HYCC2: variants seen among roughly 807,000 people sequenced by gnomAD.
HYCC2 encodes the protein hyccin PI4KA lipid kinase complex subunit 2, also known as hyccin 2.
chr2:201,049,670 C>G, the HYCC2 span, among the ~76,000 whole-genome samples: 1 of 151,690 alleles, frequency 6.6e-6, no homozygotes, highest in African/African-American at 2.4e-5. Context: ...GAATTCTTTT[C>G]AAAGACTCCC....
the HYCC2 span, chr2:201,022,669 G>A: frequency 2.2e-6 from 1 of 456,080 alleles, no homozygotes; most frequent in East Asian, 3.6e-5. Flanking sequence ...ATATGGAAAG[G>A]CAGGGAATAG....
the HYCC2 span, among the ~76,000 whole-genome samples, chr2:201,010,027 C>T: frequency 6.6e-6 from 1 of 151,196 alleles, no homozygotes; most frequent in Admixed American, 6.6e-5. Context: ...TCGCTTGAAC[C>T]CGGGAGGTGG....
chr2:201,001,311 T>C, the HYCC2 span, among the ~76,000 whole-genome samples: 4 of 152,280 alleles, frequency 2.6e-5, no homozygotes, highest in African/African-American at 9.6e-5. Flanking sequence ...TCTGCAGAAC[T>C]GTGAGCAATA....
chr2:201,009,699 A>AT, the HYCC2 span, among the ~76,000 whole-genome samples: 3 of 151,998 alleles, frequency 2.0e-5, no homozygotes, highest in African/African-American at 7.2e-5. Context: ...ACCTCAAGTG[A>AT]TCCACCCACC....
At chr2:201,024,386 C>T in the HYCC2 span, among the ~76,000 whole-genome samples, 1 of 151,864 alleles carries the variant, frequency 6.6e-6, no homozygotes, top group African/African-American at 2.4e-5. Context: ...TTACTTGGTA[C>T]CCAAAGGTCA....
chr2:201,065,541 G>C, the HYCC2 span, among the ~76,000 whole-genome samples: 2 of 152,230 alleles, frequency 1.3e-5, no homozygotes, highest in African/African-American at 2.4e-5. Context: ...TTCTAATCTA[G>C]ATAGTTGCCT....
chr2:201,012,062 T>C, the HYCC2 span, among the ~76,000 whole-genome samples: 1 of 152,200 alleles, frequency 6.6e-6, no homozygotes, highest in African/African-American at 2.4e-5. Context: ...ACCTCATAGT[T>C]ATCCCTTTTT....
the HYCC2 span, among the ~76,000 whole-genome samples, chr2:201,025,870 G>T: frequency 6.6e-6 from 1 of 152,048 alleles, no homozygotes. Context: ...ACATGCCTGG[G>T]AAACACAGCA....
the HYCC2 span, among the ~76,000 whole-genome samples, chr2:201,019,048 T>C: frequency 4.6e-4 from 70 of 152,318 alleles, no homozygotes; most frequent in Non-Finnish European, 9.3e-4. Context: ...AATGAACAAG[T>C]AATAAACTTT....
the HYCC2 span, chr2:201,017,259 A>G: frequency 1.0e-6 from 1 of 956,518 alleles, no homozygotes; most frequent in Non-Finnish European, 1.5e-6. Context: ...TATCTGTATA[A>G]TATTTTTAAA....
chr2:201,013,248 T>C, the HYCC2 span, among the ~76,000 whole-genome samples: 1 of 151,882 alleles, frequency 6.6e-6, no homozygotes, highest in Non-Finnish European at 1.5e-5. Flanking sequence ...GCAGGCAGTA[T>C]CACTTGAGGT....
At chr2:200,973,744 AT>A in the HYCC2 span, 1 of 152,154 alleles carries the variant, frequency 6.6e-6, no homozygotes, top group Non-Finnish European at 1.5e-5. Flanking sequence ...ATAGAGCTGT[AT>A]TTTTATACTG....
At chr2:201,053,225 T>G in the HYCC2 span, among the ~76,000 whole-genome samples, 1 of 151,990 alleles carries the variant, frequency 6.6e-6, no homozygotes, top group African/African-American at 2.4e-5. Context: ...TGGGTTCAAG[T>G]GATTCTCCAG....
the HYCC2 span, among the ~76,000 whole-genome samples, chr2:201,007,998 G>C: frequency 1.3e-5 from 2 of 152,194 alleles, no homozygotes; most frequent in Admixed American, 1.3e-4. Context: ...TCTACTATAT[G>C]TGTCTCTTTT....
the HYCC2 span, chr2:201,016,896 T>G: frequency 7.7e-7 from 1 of 1,302,814 alleles, no homozygotes. Flanking sequence ...CCACTGCGCC[T>G]GGCCAATTTA....
chr2:201,022,353 T>G, the HYCC2 span: 1 of 284,896 alleles, frequency 3.5e-6, no homozygotes, highest in Non-Finnish European at 7.0e-6. Context: ...GACTAAAAAG[T>G]GCTTCCTCTG....
the HYCC2 span, among the ~76,000 whole-genome samples, chr2:201,005,811 T>C: frequency 6.6e-6 from 1 of 152,050 alleles, no homozygotes; most frequent in Admixed American, 6.6e-5. Context: ...GATTTTTTAT[T>C]TTTTATTTTG....
chr2:201,004,889 C>A, the HYCC2 span, among the ~76,000 whole-genome samples: 42 of 151,790 alleles, frequency 2.8e-4, no homozygotes, highest in Non-Finnish European at 5.3e-4. Flanking sequence ...TGGTGGCGGG[C>A]GCCTGTAGTC....
chr2:201,006,282 C>A, the HYCC2 span, among the ~76,000 whole-genome samples: 2 of 151,176 alleles, frequency 1.3e-5, no homozygotes, highest in Non-Finnish European at 2.9e-5. Context: ...GCACCCACCA[C>A]CACGCCTGGT....
Sources: gnomAD v4.1 joint callset for allele counts (sites outside exome capture counted in the v4.1 genomes callset) on GRCh38, gnomAD v4.1.1 for gene constraint, MANE v1.5 for transcripts, NCBI Gene and HGNC (gene_info 2026-07-23, HGNC 2026-07-21) for gene names.